Variants in ZC3H11A observed in about 807,000 individuals in gnomAD.
ZC3H11A encodes the protein zinc finger CCCH-type containing 11A, also known as zinc finger CCCH domain-containing protein 11A.
A neutral mutation model predicts 90.8 loss-of-function variants in ZC3H11A; 22 were observed. That is an observed-to-expected ratio of 0.24 (90% CI 0.17 to 0.35). ZC3H11A has a LOEUF of 0.35. Ranked by LOEUF, ZC3H11A falls within the 10% of genes least tolerant of loss-of-function variation. ZC3H11A has a pLI of 1.00. For missense variants in ZC3H11A, 701 were observed against 964.9 expected (o/e 0.73, Z 3.62); for synonymous variants, 294 against 339.8 (o/e 0.87, Z 1.48).
intron 2 of ZC3H11A, among the ~76,000 whole-genome samples, chr1:203,809,676 G>A (rs1169496211): frequency 6.6e-6 from 1 of 151,946 alleles, no homozygotes; most frequent in Non-Finnish European, 1.5e-5. Flanking sequence ...CAGGTTAACC[G>A]GGTGCGGTGG....
chr1:203,849,105 G>T (rs1020070717), intron 14 of ZC3H11A, among the ~76,000 whole-genome samples: 3 of 152,138 alleles, frequency 2.0e-5, no homozygotes, highest in African/African-American at 7.2e-5. Flanking sequence ...GAGTGGTCTC[G>T]AACTTCTGGC....
rs565920099 is a variant in ZC3H11A, at chr1:203,841,903, G to T, written c.1042+1529G>T. 2.5e-3 allele frequency among the ~76,000 whole-genome samples: 371 copies of T among 148,494 alleles called. 1 individual carries two copies. The highest frequency in any genetic ancestry group is 8.8e-3 in the African/African-American group (349 of 39,778). ...TCAGACGGGGCGGCCGGGCAGAGAC[G>T]CTCCTCACCTCCCAGATGGGGTGGC... On this transcript the variant is annotated intron_variant, in intron 12 of 17. Coordinates refer to ENST00000367210, the MANE Select transcript of ZC3H11A (RefSeq NM_001376342.1).
At chr1:203,800,102 C>G (rs1192282337) in intron 1 of ZC3H11A, 15 of 1,536,002 alleles carry the variant, frequency 9.8e-6, no homozygotes, top group Non-Finnish European at 1.2e-5. Flanking sequence ...GCTTCATGTT[C>G]CCTTCTGCTG....
At chr1:203,818,031 G>T (rs1414717882) in intron 3 of ZC3H11A, among the ~76,000 whole-genome samples, 1 of 152,066 alleles carries the variant, frequency 6.6e-6, no homozygotes, top group Non-Finnish European at 1.5e-5. Flanking sequence ...ACAGGCGTGA[G>T]CCCCCACGCC....
chr1:203,825,344 A>G (rs1251219829), intron 4 of ZC3H11A, among the ~76,000 whole-genome samples: 3 of 152,086 alleles, frequency 2.0e-5, no homozygotes, highest in African/African-American at 7.2e-5. Context: ...AATGAGAATC[A>G]ACTGTTTTAT....
At chr1:203,797,460 A>G in intron 1 of ZC3H11A, 1 of 1,399,850 alleles carries the variant, frequency 7.1e-7, no homozygotes, top group East Asian at 2.5e-5. Flanking sequence ...GAACAGCTGT[A>G]TTTCTGCTTG....
At chr1:203,810,169 GGTCT>G (rs1673888627) in intron 2 of ZC3H11A, among the ~76,000 whole-genome samples, 1 of 150,560 alleles carries the variant, frequency 6.6e-6, no homozygotes, top group Non-Finnish European at 1.5e-5. Flanking sequence ...TAAGAGATGA[GGTCT>G]GTCTGTTGCC....
chr1:203,835,872 T>C (rs752010554), intron 10 of ZC3H11A: 6 of 248,034 alleles, frequency 2.4e-5, no homozygotes, highest in Non-Finnish European at 5.3e-5. Context: ...ACCCCACTTA[T>C]AGCCAGCAAA....
At chr1:203,822,216 TTTA>T (rs1679018772) in intron 4 of ZC3H11A, among the ~76,000 whole-genome samples, 1 of 152,146 alleles carries the variant, frequency 6.6e-6, no homozygotes, top group Non-Finnish European at 1.5e-5. Context: ...TCATAATACT[TTTA>T]TTTATTTGAT....
intron 4 of ZC3H11A, among the ~76,000 whole-genome samples, chr1:203,820,422 A>AT (rs2102851550): frequency 6.8e-6 from 1 of 147,304 alleles, no homozygotes; most frequent in Admixed American, 6.7e-5. Context: ...ATTCCCCCTC[A>AT]TTACTAAATT....
At position 203,838,013 on chromosome 1, in the gene ZC3H11A, G is replaced by A. The variant is rs1572255503; in HGVS notation, c.922G>A (p.Gly308Arg). The A allele has an allele frequency of 1.2e-6, 2 of 1,614,198 alleles. No homozygotes were observed. The highest frequency in any genetic ancestry group is 1.7e-6 in the Non-Finnish European group (2 of 1,180,018). Residue 308 changes from glycine (G) to arginine (R), a missense_variant, in exon 11 of 18, where the codon GGG becomes AGG. This residue lies in a region of ZC3H11A where 530 missense variants were observed against 696.2 expected (regional missense o/e 0.76). Coordinates refer to ENST00000367210, the MANE Select transcript of ZC3H11A (RefSeq NM_001376342.1). ...PLKRSLAQRL[G>R]KKVEAPETNI... ...AAAGCGTAGCCTGGCACAGAGGCTA[G>A]GGAAGAAAGTTGAAGCTCCAGAAAC...
Position 203,835,864 on chromosome 1 carries a change from C to T in ZC3H11A, c.874+2011C>T, listed in dbSNP as rs141346701. ...ATGTGCTCCCTTTTTTTCCGGAGACCCCACTTATAGCCAGCAAAAATGCCC... is the reference window on the plus strand; with the variant it reads ...ATGTGCTCCCTTTTTTTCCGGAGACTCCACTTATAGCCAGCAAAAATGCCC... On this transcript the variant is annotated intron_variant, in intron 10 of 17. Coordinates refer to ENST00000367210, the MANE Select transcript of ZC3H11A (RefSeq NM_001376342.1). 6.7e-4 allele frequency: 165 copies of T among 245,000 alleles called. 2 individuals carry two copies. In the East Asian group the frequency reaches 0.016, roughly 24 times the overall value. 15.2% of individuals were successfully genotyped at this position (245,000 alleles called of 1,614,324 possible). A position where few individuals can be genotyped will look rare whatever the true frequency, so the allele number is the denominator to read the frequency against.
intron 4 of ZC3H11A, among the ~76,000 whole-genome samples, chr1:203,824,576 T>C (rs1045484505): frequency 2.6e-5 from 4 of 152,178 alleles, no homozygotes; most frequent in African/African-American, 9.7e-5. Flanking sequence ...ATGTGTCACA[T>C]TGGTTCACAA....
In ZC3H11A at chr1:203,850,617, C is replaced by T. The variant is rs1486862882; in HGVS notation, c.2042C>T (p.Ala681Val). The part of the protein sequence containing the change: ...KAVEMHAAVI[A>V]AVKPLSSSSV... ...GTGGAGATGCACGCTGCTGTCATTG[C>T]CGCTGTGAAGCCACTCAGCTCCAGC... The change falls in exon 16 of 18, where the codon GCC becomes GTC. Residue 681 changes from alanine to valine, a missense_variant. By Grantham distance (64) the Ala-to-Val change is moderately conservative. Transcript: ENST00000367210. The T allele has an allele frequency of 6.2e-7, 1 of 1,614,156 alleles. No homozygotes were observed. The highest frequency in any genetic ancestry group is 1.1e-5 in the South Asian group (1 of 91,086).
At chr1:203,812,290 G>C (rs958985011) in intron 2 of ZC3H11A, among the ~76,000 whole-genome samples, 9 of 152,052 alleles carry the variant, frequency 5.9e-5, no homozygotes, top group African/African-American at 2.2e-4. Context: ...TCTACCTTCT[G>C]ATAGGCTCCA....
At chr1:203,848,234 T>C (rs900166081) in intron 13 of ZC3H11A, 97 bp from the exon 14 acceptor site, 15 of 991,288 alleles carry the variant, frequency 1.5e-5, no homozygotes, top group Non-Finnish European at 2.3e-5. Flanking sequence ...ATTTGTCCTG[T>C]CTTACTACTT....
chr1:203,831,289 C>T (rs935768901), intron 8 of ZC3H11A, among the ~76,000 whole-genome samples: 1 of 151,924 alleles, frequency 6.6e-6, no homozygotes, highest in Non-Finnish European at 1.5e-5. Flanking sequence ...TTATAGCAAC[C>T]TTGGAGTTGT....
chr1:203,830,196 G>A lies in ZC3H11A; in HGVS notation c.693G>A (p.Lys231=). The change falls in exon 8 of 18, where the codon AAG becomes AAA. Residue 231 remains lysine (K), a synonymous_variant. Coordinates refer to ENST00000367210, the MANE Select transcript of ZC3H11A (RefSeq NM_001376342.1). ...KSKKMKEKSK[K]QGEGSSGVSS... is the part of the protein sequence containing the mutation. ...AGAAAATGAAGGAAAAATCTAAGAA[G>A]CAAGGTGGTAAGTCATCACGTTTTG... The A allele has an allele frequency of 6.2e-7, 1 of 1,600,662 alleles. No homozygotes were observed. Among genetic ancestry groups the A allele is most frequent in the African/African-American group, 1.4e-5 (1 of 73,860 alleles).
At position 203,851,060 on chromosome 1, in the gene ZC3H11A, G is replaced by A; in HGVS notation, c.2110G>A (p.Val704Ile). 6.2e-7 allele frequency: 1 copy of A among 1,614,138 alleles called. No individual in the cohort carries two copies. The highest frequency in any genetic ancestry group is 1.1e-5 in the South Asian group (1 of 91,082). The change falls in exon 17 of 18, where the codon GTT becomes ATT. Residue 704 changes from valine (V) to isoleucine (I), a missense_variant. Physicochemically the swap from Val to Ile is conservative, Grantham distance 29 (BLOSUM62 3). This residue lies in a region of ZC3H11A where 91 missense variants were observed against 86.8 expected (regional missense o/e 1.05). Transcript: ENST00000367210. Reference sequence around the variant, plus strand: ...TACCTGACTCTTCCTTTTGTAGGCTGTTGTCCCGCTTGTCTCTGAGGACAA... The same window carrying A: ...TACCTGACTCTTCCTTTTGTAGGCTATTGTCCCGCTTGTCTCTGAGGACAA... ...EPPAKKAAVA[V>I]VPLVSEDKSV...
Sources: allele counts gnomAD v4.1 joint callset (sites outside exome capture counted in the v4.1 genomes callset), GRCh38; gene constraint gnomAD v4.1.1; regional missense constraint gnomAD v4.1.1; transcripts MANE v1.5; gene names NCBI Gene and HGNC (gene_info 2026-07-23, HGNC 2026-07-21).